EML4: variants seen among roughly 807,000 people sequenced by gnomAD.
The protein encoded by EML4 is EMAP like 4.
In EML4, 72 loss-of-function variants were observed where a neutral mutation model predicts 129.0. That is an observed-to-expected ratio of 0.56 (90% CI 0.46 to 0.68). The LOEUF is 0.68. Among genes scored for constraint, EML4 ranks in the 30% least tolerant of loss-of-function variants. The probability of loss-of-function intolerance (pLI) is 0.00; values close to 1 mark genes in which losing one functional copy is unlikely to be tolerated. For synonymous variants in EML4, 532 were observed against 405.0 expected (o/e 1.31, Z -3.77); for missense variants, 1,363 against 1,190.6 (o/e 1.14, Z -2.13).
intron 1 of EML4, among the ~76,000 whole-genome samples, chr2:42,203,488 A>C (rs1334590697): frequency 6.6e-6 from 1 of 152,208 alleles, no homozygotes; most frequent in Non-Finnish European, 1.5e-5. Flanking sequence ...TAATATAACA[A>C]AGTTCACATG....
intron 11 of EML4, among the ~76,000 whole-genome samples, chr2:42,293,309 C>T (rs569581396): frequency 6.6e-5 from 10 of 152,180 alleles, no homozygotes; most frequent in African/African-American, 2.4e-4. Flanking sequence ...CACTATGTTG[C>T]ACAGTTGATC....
At chr2:42,225,551 A>G (rs954294471) in intron 1 of EML4, among the ~76,000 whole-genome samples, 2 of 152,182 alleles carry the variant, frequency 1.3e-5, no homozygotes, top group African/African-American at 4.8e-5. Flanking sequence ...GTTTGTCAAT[A>G]TATACTTCCC....
intron 1 of EML4, among the ~76,000 whole-genome samples, chr2:42,208,254 C>G (rs1022614077): frequency 6.6e-6 from 1 of 152,082 alleles, no homozygotes; most frequent in Admixed American, 6.6e-5. Context: ...TTTTCATTCT[C>G]AAACCTACTT....
At chr2:42,299,265 TG>T (rs1668138364) in intron 13 of EML4, among the ~76,000 whole-genome samples, 1 of 152,236 alleles carries the variant, frequency 6.6e-6, no homozygotes, top group Non-Finnish European at 1.5e-5. Context: ...ATACTCAAAC[TG>T]AGACATAATT....
rs180797229 is a variant in EML4, at chr2:42,240,888, C to T, written c.26-4617C>T. ...GGGCGTGGTGGCTCACACCTGTAAT[C>T]CCAGCACTTTGGGAGGCCAAGGCAG... On this transcript the variant is annotated intron_variant, in intron 1 of 22. Coordinates refer to ENST00000318522, the MANE Select transcript of EML4 (RefSeq NM_019063.5). 1.3e-3 allele frequency among the ~76,000 whole-genome samples: 200 copies of T among 152,244 alleles called. 1 individual carries two copies. The highest frequency in any genetic ancestry group is 4.6e-3 in the African/African-American group (193 of 41,542).
At chr2:42,182,131 T>C (rs1369656870) in intron 1 of EML4, among the ~76,000 whole-genome samples, 1 of 150,390 alleles carries the variant, frequency 6.6e-6, no homozygotes, top group Non-Finnish European at 1.5e-5. Flanking sequence ...GTTTCTTTTT[T>C]TTTTTTTTTT....
intron 11 of EML4, among the ~76,000 whole-genome samples, chr2:42,290,412 A>G (rs1204484537): frequency 6.6e-6 from 1 of 152,162 alleles, no homozygotes. Flanking sequence ...CTCATGAAAA[A>G]AAATAAAAAA....
At chr2:42,263,088 T>C (rs1417890107) in intron 4 of EML4, 90 bp from the exon 5 acceptor site, 4 of 1,092,554 alleles carry the variant, frequency 3.7e-6, no homozygotes, top group South Asian at 1.5e-5. Context: ...TAAGGAAATG[T>C]TAATTGCTGC....
Position 42,221,289 on chromosome 2 carries a change from T to C in EML4, c.26-24216T>C, listed in dbSNP as rs896346000. ...GACTTTAAGTTGAAGCCAGTGCTCA[T>C]TGACCATTCTGAAAATCCTAGGGCC... On this transcript the variant is annotated intron_variant, in intron 1 of 22. Coordinates refer to ENST00000318522, the MANE Select transcript of EML4 (RefSeq NM_019063.5). Among the ~76,000 whole-genome samples the C allele has an allele frequency of 4.6e-5, 7 of 152,178 alleles. No homozygotes were observed. In the South Asian group the frequency reaches 1.4e-3, roughly 32 times the overall value.
intron 1 of EML4, among the ~76,000 whole-genome samples, chr2:42,183,421 G>A (rs745926665): frequency 3.9e-5 from 6 of 152,082 alleles, no homozygotes; most frequent in Non-Finnish European, 8.8e-5. Context: ...TTCTTAGATG[G>A]TGGTGATACA....
chr2:42,228,533 A>C (rs1236546735), intron 1 of EML4, among the ~76,000 whole-genome samples: 2 of 152,226 alleles, frequency 1.3e-5, no homozygotes, highest in South Asian at 4.1e-4. Flanking sequence ...GTAGTCTTAT[A>C]ATTCAGAAGG....
Position 42,332,402 on chromosome 2 carries a change from A to G in EML4, c.*2195A>G. 4.8e-6 allele frequency: 1 copy of G among 207,430 alleles called. No individual in the cohort carries two copies. The highest frequency in any genetic ancestry group is 7.3e-5 in the East Asian group (1 of 13,698). 12.8% of individuals were successfully genotyped at this position (207,430 alleles called of 1,614,324 possible). ...GAAGTGGGTGGGGTTATGAAATTGT[A>G]GATGTTTTTAGAAAAACTTGTGAAT... On this transcript the variant is annotated 3_prime_UTR_variant, in exon 23 of 23. Coordinates refer to ENST00000318522, the MANE Select transcript of EML4 (RefSeq NM_019063.5).
In EML4 at chr2:42,325,602, T is replaced by TATATATATATATATA. The variant is rs1558614750; in HGVS notation, c.2242+48_2242+49insATATATATATATATA. ...ATATATATATATGCTATGATTATAT[T>TATATATATATATATA]TATATATATATATATATATATATAT... On this transcript the variant is annotated intron_variant, in intron 20 of 22. Coordinates refer to ENST00000318522, the MANE Select transcript of EML4 (RefSeq NM_019063.5). The TATATATATATATATA allele has an allele frequency of 2.8e-3, 357 of 129,248 alleles. 27 individuals carry two copies. Among genetic ancestry groups the TATATATATATATATA allele is most frequent in the Middle Eastern group, 8.6e-3 (3 of 348 alleles). 8.0% of individuals were successfully genotyped at this position (129,248 alleles called of 1,614,324 possible).
chr2:42,267,645 C>G (rs1347763264), intron 6 of EML4, among the ~76,000 whole-genome samples: 1 of 152,048 alleles, frequency 6.6e-6, no homozygotes, highest in Admixed American at 6.5e-5. Flanking sequence ...ACCACTTAGG[C>G]AGAAGTCAGG....
At chr2:42,226,979 T>G (rs889114846) in intron 1 of EML4, among the ~76,000 whole-genome samples, 6 of 152,190 alleles carry the variant, frequency 3.9e-5, no homozygotes, top group African/African-American at 1.4e-4. Context: ...CCACAAAATT[T>G]CCATGAAATT....
chr2:42,215,549 CA>C lies in EML4; in HGVS notation c.26-29944del, dbSNP rs879474966. On this transcript the variant is annotated intron_variant, in intron 1 of 22. Coordinates refer to ENST00000318522, the MANE Select transcript of EML4 (RefSeq NM_019063.5). ...TTTATTATAAAAAATGTTTAAGAAG[CA>C]AAAAAAAAAAATTTTGCAGTGAATA... Among the ~76,000 whole-genome samples, 368 of 142,472 alleles carry C rather than the reference CA, an allele frequency of 2.6e-3. 1 individual carries two copies. The highest frequency in any genetic ancestry group is 9.9e-3 in the East Asian group (49 of 4,956). 93.5% of individuals were successfully genotyped at this position (142,472 alleles called of 152,430 possible).
chr2:42,247,280 T>G (rs998066459), intron 2 of EML4, among the ~76,000 whole-genome samples: 2 of 152,086 alleles, frequency 1.3e-5, no homozygotes, highest in African/African-American at 4.8e-5. Flanking sequence ...TGATAACCTT[T>G]AGGTGCAAAG....
intron 1 of EML4, among the ~76,000 whole-genome samples, chr2:42,230,493 G>A (rs918680453): frequency 9.2e-5 from 14 of 152,058 alleles, no homozygotes; most frequent in East Asian, 3.9e-4. Context: ...TGTAACCTCC[G>A]CCTCCCAGGT....
At chr2:42,258,400 T>G (rs957223031) in intron 3 of EML4, among the ~76,000 whole-genome samples, 2 of 151,400 alleles carry the variant, frequency 1.3e-5, no homozygotes, top group Non-Finnish European at 2.9e-5. Flanking sequence ...TTTTAAGATA[T>G]ATATATATAT....
Sources: gnomAD v4.1 joint callset for allele counts (sites outside exome capture counted in the v4.1 genomes callset) on GRCh38, gnomAD v4.1.1 for gene constraint, MANE v1.5 for transcripts, NCBI Gene and HGNC (gene_info 2026-07-23, HGNC 2026-07-21) for gene names.